Variants in FBXL17 observed in about 807,000 individuals in gnomAD.
FBXL17 encodes the protein F-box and leucine rich repeat protein 17.
FBXL17 carries 22 observed loss-of-function variants against 66.2 expected under a neutral mutation model. The ratio of observed to expected loss-of-function variants is 0.33; its 90% CI spans 0.24 to 0.47. FBXL17 has a LOEUF of 0.47. Among genes scored for constraint, FBXL17 ranks in the 20% least tolerant of loss-of-function variants. The pLI is 1.00. For missense variants in FBXL17, 878 were observed against 948.2 expected, an observed-to-expected ratio of 0.93 and a Z score of 0.97; for synonymous variants, 474 against 400.5, an observed-to-expected ratio of 1.18 and a Z score of -2.19.
chr5:108,358,298 G>A (rs2112535121), intron 3 of FBXL17, among the ~76,000 whole-genome samples: 1 of 152,214 alleles, frequency 6.6e-6, no homozygotes, highest in Admixed American at 6.5e-5. Context: ...CACTGAATAT[G>A]TCAGCTGTGG....
Position 108,038,074 on chromosome 5 carries a change from T to C in FBXL17, c.1746-17073A>G, listed in dbSNP as rs144740349. Among the ~76,000 whole-genome samples, 38 of 152,250 alleles carry C rather than the reference T, an allele frequency of 2.5e-4. No individual in the cohort carries two copies. The East Asian group carries it at 6.8e-3, about 27-fold the overall frequency. On this transcript the variant is annotated intron_variant, in intron 6 of 8. Transcript: ENST00000542267. ...TTGCACGACAAATGATTCATGTTCT[T>C]CAACAAATAAATGACATGCAAAAAT... is the stretch of plus-strand genomic sequence containing the variant.
chr5:107,929,821 A>G (rs562026416), intron 7 of FBXL17, among the ~76,000 whole-genome samples: 2 of 152,298 alleles, frequency 1.3e-5, no homozygotes, highest in East Asian at 3.9e-4. Flanking sequence ...TCCAAAAAGG[A>G]CAGAGTCTAG....
At chr5:108,176,030 G>C (rs1250305249) in intron 6 of FBXL17, among the ~76,000 whole-genome samples, 1 of 152,056 alleles carries the variant, frequency 6.6e-6, no homozygotes, top group African/African-American at 2.4e-5. Flanking sequence ...TTTTGGTTTG[G>C]TGAATTAAGA....
chr5:107,896,726 A>G (rs1749396452), intron 7 of FBXL17, among the ~76,000 whole-genome samples: 1 of 152,176 alleles, frequency 6.6e-6, no homozygotes, highest in Non-Finnish European at 1.5e-5. Flanking sequence ...CATACTATAG[A>G]CTGAGGTCTG....
In FBXL17 at chr5:108,023,754, T is replaced by C. The variant is rs141683285; in HGVS notation, c.1746-2753A>G. 7.2e-5 allele frequency among the ~76,000 whole-genome samples: 11 copies of C among 152,278 alleles called. No homozygotes were observed. In the East Asian group the frequency reaches 1.9e-3, roughly 27 times the overall value. ...AATCAGAGCAATTCCCAGCTCACTG[T>C]ATAGTATGTATGCAAAAAACAAAGT... On this transcript the variant is annotated intron_variant, in intron 6 of 8. Transcript: ENST00000542267.
chr5:107,924,796 C>T (rs941889835), intron 7 of FBXL17, among the ~76,000 whole-genome samples: 1 of 152,266 alleles, frequency 6.6e-6, no homozygotes, highest in Non-Finnish European at 1.5e-5. Flanking sequence ...ACGAAATTCT[C>T]GAGACCAGTT....
intron 6 of FBXL17, among the ~76,000 whole-genome samples, chr5:108,132,062 C>T (rs1309315714): frequency 1.3e-5 from 2 of 151,608 alleles, no homozygotes; most frequent in Non-Finnish European, 2.9e-5. Flanking sequence ...TCGCAACCTC[C>T]GCCTCCCAGG....
In FBXL17 at chr5:108,249,195, T is replaced by C. The variant is rs556232021; in HGVS notation, c.1507-24967A>G. 1.3e-4 allele frequency among the ~76,000 whole-genome samples: 20 copies of C among 152,230 alleles called. No individual in the cohort carries two copies. The South Asian group carries it at 4.1e-3, about 32-fold the overall frequency. On this transcript the variant is annotated intron_variant, in intron 4 of 8. Coordinates refer to ENST00000542267, the MANE Select transcript of FBXL17 (RefSeq NM_001163315.3). ...GAAAATGGGTACACTAATCATTCCT[T>C]GGCCTAGAGACCTGTCTAACCCTCT...
At chr5:108,343,517 A>C (rs1186449265) in intron 4 of FBXL17, among the ~76,000 whole-genome samples, 1 of 152,196 alleles carries the variant, frequency 6.6e-6, no homozygotes, top group Non-Finnish European at 1.5e-5. Flanking sequence ...TCAAGATTAT[A>C]GGAGGGGAAC....
intron 5 of FBXL17, among the ~76,000 whole-genome samples, chr5:108,221,722 G>A (rs1754874203): frequency 6.6e-6 from 1 of 152,034 alleles, no homozygotes; most frequent in Non-Finnish European, 1.5e-5. Context: ...ACATTTTTGT[G>A]AATGTCTTAG....
intron 5 of FBXL17, among the ~76,000 whole-genome samples, chr5:108,206,372 C>G (rs972338348): frequency 6.6e-6 from 1 of 152,132 alleles, no homozygotes; most frequent in African/African-American, 2.4e-5. Flanking sequence ...TTAAAAACAT[C>G]TTTACTGAAG....
At chr5:108,001,624 C>T (rs1753734347) in intron 7 of FBXL17, among the ~76,000 whole-genome samples, 1 of 152,014 alleles carries the variant, frequency 6.6e-6, no homozygotes, top group South Asian at 2.1e-4. Flanking sequence ...CCTCAGCCTC[C>T]CAAGTAGCTG....
intron 5 of FBXL17, among the ~76,000 whole-genome samples, chr5:108,211,653 C>T (rs1180743923): frequency 6.6e-6 from 1 of 152,090 alleles, no homozygotes. Flanking sequence ...GAATATTGGC[C>T]CCCACTCTCT....
rs569090473 is a variant in FBXL17, at chr5:108,113,497, A to G, written c.1745+72620T>C. On this transcript the variant is annotated intron_variant, in intron 6 of 8. Transcript: ENST00000542267. Reference sequence around the variant, plus strand: ...GTATCGAGAATGGAAGGAAATATGAATGGGGGTAATAAATGTGAGCAAATC... The same window carrying G: ...GTATCGAGAATGGAAGGAAATATGAGTGGGGGTAATAAATGTGAGCAAATC... Among the ~76,000 whole-genome samples the G allele has an allele frequency of 2.1e-3, 313 of 152,216 alleles. 1 individual carries two copies. The highest frequency in any genetic ancestry group is 7.3e-3 in the African/African-American group (304 of 41,548).
intron 4 of FBXL17, chr5:108,298,253 C>A (rs1427594219): frequency 3.0e-6 from 3 of 984,460 alleles, no homozygotes; most frequent in Admixed American, 6.2e-5. Context: ...AGTCTTCTTG[C>A]TACTTCTTAC....
intron 7 of FBXL17, among the ~76,000 whole-genome samples, chr5:107,985,562 T>A (rs182161553): frequency 1.8e-3 from 278 of 152,308 alleles, no homozygotes; most frequent in Non-Finnish European, 1.1e-3. Context: ...TAGTCTCTTG[T>A]TTACTTCATT....
intron 4 of FBXL17, among the ~76,000 whole-genome samples, chr5:108,231,373 C>G (rs541058305): frequency 3.5e-4 from 54 of 152,256 alleles, no homozygotes; most frequent in African/African-American, 1.3e-3. Context: ...CTCCCTATCT[C>G]TATACTTTTA....
chr5:108,013,689 A>G (rs1356500778), intron 7 of FBXL17, among the ~76,000 whole-genome samples: 2 of 151,108 alleles, frequency 1.3e-5, no homozygotes, highest in Non-Finnish European at 2.9e-5. Context: ...CACACAGAGT[A>G]AACATTTGCT....
chr5:108,264,915 T>A (rs930849459), intron 4 of FBXL17, among the ~76,000 whole-genome samples: 6 of 151,986 alleles, frequency 3.9e-5, no homozygotes, highest in Middle Eastern at 3.4e-3. Flanking sequence ...TTTTTTAAAT[T>A]ATATCATTAT....
Sources: allele counts gnomAD v4.1 joint callset (sites outside exome capture counted in the v4.1 genomes callset), GRCh38; gene constraint gnomAD v4.1.1; transcripts MANE v1.5; gene names NCBI Gene and HGNC (gene_info 2026-07-23, HGNC 2026-07-21).